MDGA2: variants seen among roughly 807,000 people sequenced by gnomAD.
MDGA2 encodes MAM domain containing glycosylphosphatidylinositol anchor 2.
Under a neutral mutation model 117.8 loss-of-function variants are expected in MDGA2, and 40 were observed. That is an observed-to-expected ratio of 0.34 (90% confidence interval 0.26 to 0.44). The LOEUF is 0.44. Ranked by LOEUF, MDGA2 falls within the 20% of genes least tolerant of loss-of-function variation. The pLI, the probability that MDGA2 is intolerant of heterozygous loss-of-function variation, is 1.00. For synonymous variants in MDGA2, 452 were observed against 439.0 expected (o/e 1.03, Z -0.37); for missense variants, 1,123 against 1,250.6 (o/e 0.90, Z 1.54).
intron 3 of MDGA2, among the ~76,000 whole-genome samples, chr14:47,149,308 C>CA (rs1374740188): frequency 6.6e-6 from 1 of 151,996 alleles, no homozygotes; most frequent in Non-Finnish European, 1.5e-5. Context: ...AAACAAAAAA[C>CA]AAAAAATAAG....
intron 3 of MDGA2, among the ~76,000 whole-genome samples, chr14:47,174,419 C>G (rs1045876268): frequency 8.5e-5 from 13 of 152,072 alleles, no homozygotes; most frequent in Non-Finnish European, 1.8e-4. Flanking sequence ...CCCAGCAAAT[C>G]TAAAAGAACA....
At chr14:47,202,947 A>G (rs746278062) in intron 3 of MDGA2, among the ~76,000 whole-genome samples, 1 of 152,086 alleles carries the variant, frequency 6.6e-6, no homozygotes, top group Non-Finnish European at 1.5e-5. Flanking sequence ...ACTGGAAAAT[A>G]ACTTTTCTCT....
intron 1 of MDGA2, chr14:47,305,303 A>T (rs1462254882): frequency 6.6e-6 from 1 of 152,162 alleles, no homozygotes; most frequent in Non-Finnish European, 1.5e-5. Flanking sequence ...AATTGGACTA[A>T]GGGTTAAGAT....
intron 1 of MDGA2, among the ~76,000 whole-genome samples, chr14:47,571,207 C>A (rs1394924223): frequency 6.6e-6 from 1 of 152,144 alleles, no homozygotes; most frequent in East Asian, 1.9e-4. Flanking sequence ...CAATGAGATA[C>A]CATCTCATGC....
intron 15 of MDGA2, among the ~76,000 whole-genome samples, chr14:46,850,243 T>C (rs1881005290): frequency 1.3e-5 from 2 of 151,848 alleles, no homozygotes; most frequent in Admixed American, 6.6e-5. Flanking sequence ...TTATAATGCT[T>C]TAAAACATAT....
intron 1 of MDGA2, among the ~76,000 whole-genome samples, chr14:47,497,466 C>T (rs1309865977): frequency 2.0e-5 from 3 of 152,080 alleles, no homozygotes; most frequent in Non-Finnish European, 4.4e-5. Context: ...CCATGTTGGC[C>T]AGGCTGGTCT....
At chr14:47,070,023 G>A (rs1890221897) in intron 6 of MDGA2, among the ~76,000 whole-genome samples, 1 of 151,818 alleles carries the variant, frequency 6.6e-6, no homozygotes, top group Admixed American at 6.6e-5. Context: ...TTTTTTGGGT[G>A]GGGTGGGGTT....
rs191436727 is a variant in MDGA2 at position 47,247,422 on chromosome 14, C to T, written c.421-29227G>A. The stretch of plus-strand genomic sequence containing the variant: ...CAGGTTCAAGCAATTCTCCTGCCTC[C>T]GCCTCCTTGGTAGCTGGAAGTACAG... On this transcript the variant is annotated intron_variant, in intron 2 of 16. Transcript: ENST00000399232. Among the ~76,000 whole-genome samples, 25 of 150,800 alleles carry T rather than the reference C, an allele frequency of 1.7e-4. No individual in the cohort carries two copies. In the East Asian group the frequency reaches 2.5e-3, roughly 15 times the overall value.
intron 6 of MDGA2, among the ~76,000 whole-genome samples, chr14:47,094,525 T>C (rs1232835237): frequency 1.3e-5 from 2 of 152,030 alleles, no homozygotes; most frequent in Non-Finnish European, 2.9e-5. Flanking sequence ...ATGGATTCAA[T>C]ATAGTTGCAA....
chr14:47,550,629 G>T (rs1279460633), intron 1 of MDGA2, among the ~76,000 whole-genome samples: 1 of 147,362 alleles, frequency 6.8e-6, no homozygotes, highest in Non-Finnish European at 1.5e-5. Context: ...TTCATTCACT[G>T]TTTTTTTTTT....
intron 5 of MDGA2, among the ~76,000 whole-genome samples, chr14:47,107,541 A>C (rs1880779548): frequency 1.3e-5 from 2 of 152,040 alleles, no homozygotes; most frequent in Admixed American, 1.3e-4. Context: ...CCTAGGCTGT[A>C]CTGCCGCAAA....
At chr14:47,172,569 C>G (rs1884206931) in intron 3 of MDGA2, among the ~76,000 whole-genome samples, 1 of 152,210 alleles carries the variant, frequency 6.6e-6, no homozygotes, top group South Asian at 2.1e-4. Flanking sequence ...CAAACTCCAA[C>G]AGACCTGCAG....
chr14:47,036,504 C>A (rs939551205), intron 7 of MDGA2, among the ~76,000 whole-genome samples: 1 of 152,140 alleles, frequency 6.6e-6, no homozygotes, highest in African/African-American at 2.4e-5. Context: ...TTATTTCCTA[C>A]ACAATTGTAT....
chr14:46,969,497 C>T (rs1308000497), intron 8 of MDGA2, among the ~76,000 whole-genome samples: 2 of 152,142 alleles, frequency 1.3e-5, no homozygotes, highest in East Asian at 3.9e-4. Context: ...TCTCTGATGG[C>T]CAGTGATGAT....
chr14:47,671,413 A>G (rs1245716136), intron 1 of MDGA2, among the ~76,000 whole-genome samples: 1 of 152,220 alleles, frequency 6.6e-6, no homozygotes, highest in Non-Finnish European at 1.5e-5. Flanking sequence ...TTTCATGCTC[A>G]GAGTTTTTCA....
At position 47,150,417 on chromosome 14, in the gene MDGA2, A is replaced by G. The variant is rs116643349; in HGVS notation, c.596-6143T>C. On this transcript the variant is annotated intron_variant, in intron 3 of 16. Transcript: ENST00000399232. ...GTCTTATGCTCACATACCACGGTCA[A>G]GTGATGATTAATTACACTCAGCCTT... Among the ~76,000 whole-genome samples the G allele has an allele frequency of 1.7e-3, 256 of 152,320 alleles. 3 individuals are homozygous for G. The highest frequency in any genetic ancestry group is 5.9e-3 in the African/African-American group (247 of 41,560).
intron 6 of MDGA2, among the ~76,000 whole-genome samples, chr14:47,066,876 G>C (rs77440786): frequency 0.054 from 8,218 of 151,918 alleles, 300 homozygotes; most frequent in Middle Eastern, 0.085. Context: ...CACTTTGGGA[G>C]GCTGAGACGG....
At chr14:47,168,258 C>A (rs1883968496) in intron 3 of MDGA2, among the ~76,000 whole-genome samples, 1 of 132,502 alleles carries the variant, frequency 7.5e-6, no homozygotes, top group African/African-American at 2.9e-5. Context: ...TCTCTTTAAC[C>A]ATAGTGACAG....
At chr14:46,998,029 A>T (rs1391340461) in intron 8 of MDGA2, among the ~76,000 whole-genome samples, 1 of 152,192 alleles carries the variant, frequency 6.6e-6, no homozygotes. Context: ...GAAAAAAAAT[A>T]AGAAACAAGA....
Sources: allele counts gnomAD v4.1 joint callset (sites outside exome capture counted in the v4.1 genomes callset), GRCh38; gene constraint gnomAD v4.1.1; transcripts MANE v1.5; gene names NCBI Gene and HGNC (gene_info 2026-07-23, HGNC 2026-07-21).